IRX2: variants seen among roughly 807,000 people sequenced by gnomAD.
The protein encoded by IRX2 is iroquois homeobox 2.
A neutral mutation model predicts 42.9 loss-of-function variants in IRX2; 26 were observed. The ratio of observed to expected loss-of-function variants is 0.61; its 90% CI spans 0.44 to 0.84. The LOEUF (loss-of-function observed/expected upper bound fraction) is 0.84. Among genes scored for constraint, IRX2 ranks in the 40% least tolerant of loss-of-function variants. IRX2 has a pLI of 0.00. For synonymous variants in IRX2, 424 were observed against 353.9 expected (o/e 1.20, Z -2.22); for missense variants, 782 against 713.9 (o/e 1.10, Z -1.09).
chr5:2,745,126 C>T (rs1451621343), downstream of IRX2, among the ~76,000 whole-genome samples: 2 of 152,174 alleles, frequency 1.3e-5, no homozygotes, highest in African/African-American at 4.8e-5. Flanking sequence ...TGTTCAATAT[C>T]AGCCCATAAT....
At position 2,748,608 on chromosome 5, in the gene IRX2, G is replaced by A. The variant is rs771456173; in HGVS notation, c.1100C>T (p.Pro367Leu). Residue 367 changes from proline to leucine, a missense_variant, in exon 3 of 4, where the codon CCA becomes CTA. By Grantham distance (98) the Pro-to-Leu change is moderately conservative. Coordinates refer to ENST00000302057, the MANE Select transcript of IRX2 (RefSeq NM_033267.5). Reference sequence around the variant, plus strand: ...CGAGGCAGGGTAGGGCGAGCCTCCTGGCGGTGCCCCGGTTGAGGCCGGCGC... The same window carrying A: ...CGAGGCAGGGTAGGGCGAGCCTCCTAGCGGTGCCCCGGTTGAGGCCGGCGC... The part of the protein sequence containing the change: ...AAAPASTGAP[P>L]GGSPYPASPL... The A allele has an allele frequency of 2.0e-6, 3 of 1,532,622 alleles. No individual in the cohort carries two copies. Among genetic ancestry groups the A allele is most frequent in the Non-Finnish European group, 2.6e-6 (3 of 1,142,916 alleles). The allele number at this position is 1,532,622 out of a possible 1,614,324, so 94.9% of individuals were successfully genotyped here. A position where few individuals can be genotyped will look rare whatever the true frequency, so the allele number is the denominator to read the frequency against.
chr5:2,739,950 C>A, the IRX2 span, among the ~76,000 whole-genome samples: 1 of 152,116 alleles, frequency 6.6e-6, no homozygotes, highest in Non-Finnish European at 1.5e-5. Context: ...AGCCCGGGAC[C>A]AGAGCTGGGG....
chr5:2,750,011 T>C (rs1737876919), intron 1 of IRX2, among the ~76,000 whole-genome samples: 1 of 152,168 alleles, frequency 6.6e-6, no homozygotes, highest in African/African-American at 2.4e-5. Context: ...CTGAACTATT[T>C]CACTTTCCTA....
intron 1 of IRX2, 141 bp from the exon 2 acceptor site, chr5:2,749,928 A>G: frequency 3.5e-6 from 3 of 853,426 alleles, no homozygotes; most frequent in Admixed American, 2.9e-5. Context: ...GCCGCAAAAG[A>G]GCAGGAAAAA....
In IRX2 at chr5:2,748,364, G is replaced by T. The variant is rs1372013590; in HGVS notation, c.1344C>A (p.Gly448=). The change falls in exon 3 of 4, where the codon GGC becomes GGA. Residue 448 remains glycine (G), a synonymous_variant. Transcript: ENST00000302057. Reference sequence around the variant, plus strand: ...GCCTACCTTTCTTGGGCTCGTAGCCGCCGCCCGGGGACCGGTAGTGGGACT... The same window carrying T: ...GCCTACCTTTCTTGGGCTCGTAGCCTCCGCCCGGGGACCGGTAGTGGGACT... ...PLESHYRSPG[G]GYEPKKDASE... 6.9e-7 allele frequency: 1 copy of T among 1,453,698 alleles called. No individual in the cohort carries two copies. The highest frequency in any genetic ancestry group is 1.4e-5 in the South Asian group (1 of 72,886). 90.0% of individuals were successfully genotyped at this position (1,453,698 alleles called of 1,614,324 possible).
At chr5:2,750,901 G>C (rs1162084848) in intron 1 of IRX2, among the ~76,000 whole-genome samples, 1 of 152,102 alleles carries the variant, frequency 6.6e-6, no homozygotes, top group Non-Finnish European at 1.5e-5. Flanking sequence ...GGCTCTCAGA[G>C]AAAATCAGCC....
At position 2,746,856 on chromosome 5, in the gene IRX2, AG is replaced by A. The variant is rs1301062330; in HGVS notation, c.*707del. 1 of 151,966 alleles carries A rather than the reference AG, an allele frequency of 6.6e-6. No homozygotes were observed. Among genetic ancestry groups the A allele is most frequent in the Non-Finnish European group, 1.5e-5 (1 of 67,978 alleles). The allele number at this position is 151,966 out of a possible 1,614,324, so 9.4% of individuals were successfully genotyped here. On this transcript the variant is annotated 3_prime_UTR_variant, in exon 4 of 4. Transcript: ENST00000302057. ...CCACAACAACACCATTATAAAAACG[AG>A]TTGATCTGAAGTGGTTCCAAATCTT...
In IRX2 at chr5:2,748,994, C is replaced by T; in HGVS notation, c.714G>A (p.Gly238=). The T allele has an allele frequency of 6.3e-7, 1 of 1,597,552 alleles. No individual in the cohort carries two copies. Among genetic ancestry groups the T allele is most frequent in the South Asian group, 1.1e-5 (1 of 90,920 alleles). ...CCCCGGCGCGGCACGGAAGCTTCTC[C>T]CCGTCCGACTCGGCCGAGCACGAGT... ...TDHSCSAESD[G]EKLPCRAGDP... is the part of the protein sequence containing the mutation. The change falls in exon 3 of 4, where the codon GGG becomes GGA. Residue 238 remains glycine, a synonymous_variant. Coordinates refer to ENST00000302057, the MANE Select transcript of IRX2 (RefSeq NM_033267.5).
In IRX2 at chr5:2,748,482, C is replaced by T. The variant is rs1452266289; in HGVS notation, c.1226G>A (p.Arg409Gln). The T allele has an allele frequency of 3.8e-6, 6 of 1,578,394 alleles. No homozygotes were observed. The highest frequency in any genetic ancestry group is 1.4e-5 in the African/African-American group (1 of 70,870). Residue 409 changes from arginine (R) to glutamine (Q), a missense_variant, in exon 3 of 4, where the codon CGG becomes CAG. Arg to Gln is a conservative substitution (Grantham distance 43). Coordinates refer to ENST00000302057, the MANE Select transcript of IRX2 (RefSeq NM_033267.5). ...GGGGGCCGCGGCCGCAGAGTTGTAC[C>T]GCAGGAGACCCTGGCCCTGCAGCGC... is the stretch of plus-strand genomic sequence containing the variant. ...NAALQGQGLL[R>Q]YNSAAAAPGE...
the IRX2 span, chr5:2,736,856 T>G: frequency 6.6e-6 from 1 of 152,264 alleles, no homozygotes; most frequent in Non-Finnish European, 1.5e-5. Flanking sequence ...ATGCAAATCA[T>G]GCTTTGCACA....
At chr5:2,743,751 A>G (rs192159830), downstream of IRX2, among the ~76,000 whole-genome samples, 43 of 147,894 alleles carry the variant, frequency 2.9e-4, no homozygotes, top group East Asian at 7.9e-3. Flanking sequence ...CCAGTGAAAG[A>G]TATCTCTCTC....
intron 3 of IRX2, among the ~76,000 whole-genome samples, chr5:2,747,946 C>T (rs1315983375): frequency 6.6e-6 from 1 of 152,106 alleles, no homozygotes; most frequent in Non-Finnish European, 1.5e-5. Flanking sequence ...CTGAGAGTAA[C>T]TGGAACGTTC....
the IRX2 span, chr5:2,736,606 T>C: frequency 6.6e-6 from 1 of 152,256 alleles, no homozygotes. Flanking sequence ...AGGATCACTT[T>C]TTAATTTTTG....
rs1019048664 is a variant in IRX2 at position 2,749,499 on chromosome 5, A to G, written c.538T>C (p.Trp180Arg). The G allele has an allele frequency of 6.2e-7, 1 of 1,614,120 alleles. No homozygotes were observed. The highest frequency in any genetic ancestry group is 8.5e-7 in the Non-Finnish European group (1 of 1,180,006). ...TCTTCGCTTTTGTTTCTCGGGGCCC[A>G]GGTCATCTTGTTCTCCTTCTTGAGG... Reference protein sequence around the residue: ...RRLKKENKMTWAPRNKSEDED... With the variant: ...RRLKKENKMTRAPRNKSEDED... The change falls in exon 2 of 4, where the codon TGG (tryptophan) becomes CGG (arginine). Residue 180 changes from tryptophan (W) to arginine (R), a missense_variant. By Grantham distance (101) the Trp-to-Arg change is moderately radical. Coordinates refer to ENST00000302057, the MANE Select transcript of IRX2 (RefSeq NM_033267.5).
At chr5:2,742,826 CTGTT>C (rs1737572039), downstream of IRX2, among the ~76,000 whole-genome samples, 5 of 152,048 alleles carry the variant, frequency 3.3e-5, no homozygotes, top group Admixed American at 2.6e-4. Flanking sequence ...AAATTGATGT[CTGTT>C]TAATTAGGCT....
Position 2,746,424 on chromosome 5 carries a change from T to C in IRX2, c.*1140A>G, listed in dbSNP as rs34346034. ...CTTCCATCACGTTTTATTTCTACTGTGTACATCTTTTACAAATAAACTTTA... is the reference window on the plus strand; with the variant it reads ...CTTCCATCACGTTTTATTTCTACTGCGTACATCTTTTACAAATAAACTTTA... On this transcript the variant is annotated 3_prime_UTR_variant, in exon 4 of 4. Transcript: ENST00000302057. 1.3e-5 allele frequency: 2 copies of C among 152,256 alleles called. No individual in the cohort carries two copies. Among genetic ancestry groups the C allele is most frequent in the Admixed American group, 1.3e-4 (2 of 15,286 alleles). The allele number at this position is 152,256 out of a possible 1,614,324, so 9.4% of individuals were successfully genotyped here.
chr5:2,748,618 C>G lies in IRX2; in HGVS notation c.1090G>C (p.Gly364Arg), dbSNP rs1478422087. Reference sequence around the variant, plus strand: ...TAGGGCGAGCCTCCTGGCGGTGCCCCGGTTGAGGCCGGCGCGGCGGCCGCG... The same window carrying G: ...TAGGGCGAGCCTCCTGGCGGTGCCCGGGTTGAGGCCGGCGCGGCGGCCGCG... Reference protein sequence around the residue: ...LPAAAAPASTGAPPGGSPYPA... With the variant: ...LPAAAAPASTRAPPGGSPYPA... Residue 364 changes from glycine to arginine, a missense_variant, in exon 3 of 4, where the codon GGG becomes CGG. Transcript: ENST00000302057. The G allele has an allele frequency of 7.3e-6, 11 of 1,503,918 alleles. No homozygotes were observed. The highest frequency in any genetic ancestry group is 9.7e-6 in the Non-Finnish European group (11 of 1,131,088). The allele number at this position is 1,503,918 out of a possible 1,614,324, so 93.2% of individuals were successfully genotyped here.
At chr5:2,749,888 C>G (rs536743937) in intron 1 of IRX2, 101 bp from the exon 2 acceptor site, 2 of 1,269,140 alleles carry the variant, frequency 1.6e-6, no homozygotes, top group South Asian at 3.0e-5. Context: ...CCGTTCCCCC[C>G]GTGAGTCTGG....
At position 2,749,698 on chromosome 5, in the gene IRX2, G is replaced by C. The variant is rs61751232; in HGVS notation, c.339C>G (p.Asn113Lys). ...TGGCGTTCTTGCGGTACGCGGGGTC[G>C]TTGAGCTGGTACGGGTAGGCCGCGC... ...YGSAAYPYQL[N>K]DPAYRKNATR... The change falls in exon 2 of 4, where the codon AAC becomes AAG. Residue 113 changes from asparagine to lysine, a missense_variant. Asn to Lys is a moderately conservative substitution (Grantham distance 94). Coordinates refer to ENST00000302057, the MANE Select transcript of IRX2 (RefSeq NM_033267.5). 10 of 1,614,022 alleles carry C rather than the reference G, an allele frequency of 6.2e-6. No individual in the cohort carries two copies. Among genetic ancestry groups the C allele is most frequent in the Non-Finnish European group, 8.5e-6 (10 of 1,180,032 alleles).
Sources: allele counts gnomAD v4.1 joint callset (sites outside exome capture counted in the v4.1 genomes callset), GRCh38; gene constraint gnomAD v4.1.1; transcripts MANE v1.5; gene names NCBI Gene and HGNC (gene_info 2026-07-23, HGNC 2026-07-21).